RNF150: variants seen among roughly 807,000 people sequenced by gnomAD.
The protein encoded by RNF150 is ring finger protein 150.
Under a neutral mutation model 39.3 loss-of-function variants are expected in RNF150, and 24 were observed. That is an observed-to-expected ratio of 0.61 (90% confidence interval 0.44 to 0.86). The LOEUF (loss-of-function observed/expected upper bound fraction) is 0.86. RNF150 is among the 40% of genes least tolerant of loss of function. RNF150 has a pLI of 0.00. For missense variants in RNF150, 502 were observed against 587.8 expected (o/e 0.85, Z 1.51); for synonymous variants, 255 against 227.3 (o/e 1.12, Z -1.10).
intron 1 of RNF150, among the ~76,000 whole-genome samples, chr4:140,985,745 T>G (rs1405801520): frequency 1.3e-5 from 2 of 152,134 alleles, no homozygotes; most frequent in African/African-American, 2.4e-5. Flanking sequence ...ATTGATTAAA[T>G]TTTGAAATGA....
rs115576946 is a variant in RNF150 at position 141,211,873 on chromosome 4, C to T, written c.-6+921G>A. Among the ~76,000 whole-genome samples, 948 of 152,110 alleles carry T rather than the reference C, an allele frequency of 6.2e-3. 2 individuals carry two copies. The highest frequency in any genetic ancestry group is 0.011 in the Non-Finnish European group (726 of 67,996). On this transcript the variant is annotated intron_variant, in intron 1 of 7. Transcript: ENST00000420921. ...ACCTCATTCCATCTCAAGTTCTATC[C>T]TCAGGCAGAGTTGTAATAATCATTC...
At chr4:140,874,258 C>T (rs890948390) in intron 6 of RNF150, among the ~76,000 whole-genome samples, 4 of 152,114 alleles carry the variant, frequency 2.6e-5, no homozygotes, top group African/African-American at 7.2e-5. Flanking sequence ...TTGTCGATAA[C>T]AGTGGGCCCC....
intron 1 of RNF150, among the ~76,000 whole-genome samples, chr4:141,117,510 C>G (rs1321849505): frequency 6.6e-6 from 1 of 152,128 alleles, no homozygotes; most frequent in Non-Finnish European, 1.5e-5. Context: ...ACTGTACCAT[C>G]TAGATTTGTA....
rs397995597 is a variant in RNF150 at position 141,012,781 on chromosome 4, C to CAAA, written c.485-44911_485-44909dup. ...CTGGTGACAGAGTAAGACTCTGTCTCAAAAAAAAAAAAAAAAAAAAAGGCA... is the reference window on the plus strand; with the variant it reads ...CTGGTGACAGAGTAAGACTCTGTCTCAAAAAAAAAAAAAAAAAAAAAAAAGGCA... On this transcript the variant is annotated intron_variant, in intron 1 of 6. Coordinates refer to ENST00000515673, the MANE Select transcript of RNF150 (RefSeq NM_020724.2). 9.2e-4 allele frequency among the ~76,000 whole-genome samples: 66 copies of CAAA among 71,408 alleles called. 13 individuals carry two copies. The highest frequency in any genetic ancestry group is 3.6e-3 in the South Asian group (5 of 1,376). The allele number at this position is 71,408 out of a possible 152,430, so 46.8% of individuals were successfully genotyped here.
chr4:141,122,292 T>C (rs1471553976), intron 1 of RNF150, among the ~76,000 whole-genome samples: 1 of 152,206 alleles, frequency 6.6e-6, no homozygotes, highest in African/African-American at 2.4e-5. Context: ...CTCTGACACT[T>C]CATTTCTCCT....
intron 6 of RNF150, among the ~76,000 whole-genome samples, chr4:140,873,254 G>C (rs557097861): frequency 6.6e-6 from 1 of 152,312 alleles, no homozygotes; most frequent in South Asian, 2.1e-4. Flanking sequence ...AGCTGAGAAA[G>C]AGCTGTGCCA....
chr4:140,919,745 A>C (rs1731023156), intron 5 of RNF150, among the ~76,000 whole-genome samples: 1 of 142,212 alleles, frequency 7.0e-6, no homozygotes. Context: ...CCTAAGCCAA[A>C]AGAACAAAGC....
chr4:140,901,603 T>C (rs1730189892), intron 6 of RNF150, among the ~76,000 whole-genome samples: 1 of 152,214 alleles, frequency 6.6e-6, no homozygotes, highest in Non-Finnish European at 1.5e-5. Flanking sequence ...CATTTACTCA[T>C]CCAACTGACG....
chr4:141,121,004 C>T (rs1173599280), intron 1 of RNF150, among the ~76,000 whole-genome samples: 4 of 151,900 alleles, frequency 2.6e-5, no homozygotes, highest in African/African-American at 7.3e-5. Context: ...CAGTTGGTGA[C>T]AACAATGGTG....
intron 1 of RNF150, among the ~76,000 whole-genome samples, chr4:141,091,443 G>C (rs1433393952): frequency 1.3e-5 from 2 of 152,180 alleles, no homozygotes; most frequent in East Asian, 3.9e-4. Flanking sequence ...AGGTTGTTCA[G>C]CCTTGTGTCT....
At chr4:141,165,577 AC>A (rs1361302963) in intron 1 of RNF150, among the ~76,000 whole-genome samples, 1 of 152,206 alleles carries the variant, frequency 6.6e-6, no homozygotes, top group African/African-American at 2.4e-5. Context: ...ATGTAAAAGA[AC>A]AGAAGTCATA....
chr4:140,884,320 G>T (rs1484649644), intron 6 of RNF150, among the ~76,000 whole-genome samples: 2 of 152,034 alleles, frequency 1.3e-5, no homozygotes, highest in Non-Finnish European at 2.9e-5. Context: ...TATTTAATTT[G>T]TTCGTTTGAT....
At chr4:141,070,523 A>G (rs1246289553) in intron 1 of RNF150, among the ~76,000 whole-genome samples, 4 of 149,558 alleles carry the variant, frequency 2.7e-5, no homozygotes, top group Admixed American at 1.3e-4. Context: ...ATGAACTCAA[A>G]CAAATTTACA....
intron 5 of RNF150, among the ~76,000 whole-genome samples, chr4:140,915,791 C>T (rs1450630723): frequency 6.6e-6 from 1 of 152,124 alleles, no homozygotes; most frequent in Non-Finnish European, 1.5e-5. Flanking sequence ...ATGGGAGGCA[C>T]CCCCCAGTAG....
At chr4:141,151,962 G>A (rs1035141433) in intron 1 of RNF150, among the ~76,000 whole-genome samples, 2 of 152,052 alleles carry the variant, frequency 1.3e-5, no homozygotes, top group Non-Finnish European at 2.9e-5. Context: ...AAAAATTCAT[G>A]ATGTAGGTCT....
At position 140,927,742 on chromosome 4, in the gene RNF150, G is replaced by A. The variant is rs534093052; in HGVS notation, c.891-1669C>T. Reference sequence around the variant, plus strand: ...CAGCTCACTTCAACCTCTACCTCCCGGGTTCAAGTGATTCTTGTACCTCAG... The same window carrying A: ...CAGCTCACTTCAACCTCTACCTCCCAGGTTCAAGTGATTCTTGTACCTCAG... On this transcript the variant is annotated intron_variant, in intron 4 of 6. Transcript: ENST00000515673. 1.8e-4 allele frequency among the ~76,000 whole-genome samples: 27 copies of A among 149,196 alleles called. 1 individual carries two copies. Among genetic ancestry groups the A allele is most frequent in the African/African-American group, 4.3e-4 (17 of 39,182 alleles).
At chr4:140,871,663 A>G (rs1728951022) in intron 6 of RNF150, among the ~76,000 whole-genome samples, 1 of 152,250 alleles carries the variant, frequency 6.6e-6, no homozygotes, top group African/African-American at 2.4e-5. Context: ...GCACAGATAA[A>G]GAGCTGACTT....
chr4:141,014,792 T>G (rs1316022460), intron 1 of RNF150, among the ~76,000 whole-genome samples: 1 of 144,506 alleles, frequency 6.9e-6, no homozygotes, highest in Admixed American at 7.0e-5. Flanking sequence ...TCCTTTACTT[T>G]GTTGTTTCCT....
chr4:141,082,382 A>T (rs998806133), intron 1 of RNF150, among the ~76,000 whole-genome samples: 2 of 152,158 alleles, frequency 1.3e-5, no homozygotes, highest in African/African-American at 4.8e-5. Flanking sequence ...GATTCAATTC[A>T]GTTCCTGTTC....
Sources: allele counts gnomAD v4.1 joint callset (sites outside exome capture counted in the v4.1 genomes callset), GRCh38; gene constraint gnomAD v4.1.1; transcripts MANE v1.5; gene names NCBI Gene and HGNC (gene_info 2026-07-23, HGNC 2026-07-21).